Variants in GNS observed in about 807,000 individuals in gnomAD.
GNS encodes N-acetylglucosamine-6-sulfatase.
In GNS, 40 loss-of-function variants were observed where a neutral mutation model predicts 69.7. That is an observed-to-expected ratio of 0.57 (90% CI 0.45 to 0.75). GNS has a LOEUF of 0.75. GNS is among the 30% of genes least tolerant of loss of function. The probability of loss-of-function intolerance (pLI) is 0.00; values close to 1 mark genes in which losing one functional copy is unlikely to be tolerated. For missense variants in GNS, 565 were observed against 685.5 expected (o/e 0.82, Z 1.96); for synonymous variants, 243 against 251.6 (o/e 0.97, Z 0.32).
At chr12:64,736,330 A>G (rs555598653) in intron 9 of GNS, among the ~76,000 whole-genome samples, 1 of 152,232 alleles carries the variant, frequency 6.6e-6, no homozygotes, top group Non-Finnish European at 1.5e-5. Context: ...AGAACCAGGA[A>G]AGCAACAAAG....
rs868789822 is a variant in GNS, at chr12:64,738,995, G to A, written c.994+386C>T. ...GCATGAAAGTCAAGGACACAGAGCT[G>A]ACTCATCCTGCAGCTTTTGAAAAAA... On this transcript the variant is annotated intron_variant, in intron 8 of 13. Coordinates refer to ENST00000258145, the MANE Select transcript of GNS (RefSeq NM_002076.4). 6.6e-5 allele frequency among the ~76,000 whole-genome samples: 10 copies of A among 152,270 alleles called. 1 individual carries two copies. Among genetic ancestry groups the A allele is most frequent in the Middle Eastern group, 6.8e-3 (2 of 294 alleles).
intron 1 of GNS, among the ~76,000 whole-genome samples, chr12:64,754,558 A>G (rs567144890): frequency 1.7e-4 from 26 of 152,042 alleles, no homozygotes; most frequent in Non-Finnish European, 3.4e-4. Context: ...GAGGTCAGAG[A>G]GGCAGGCAGG....
chr12:64,732,169 G>GTT (rs71093000), intron 9 of GNS, among the ~76,000 whole-genome samples: 4 of 96,330 alleles, frequency 4.2e-5, no homozygotes, highest in African/African-American at 4.1e-5. Context: ...TTTTTTTGTT[G>GTT]TTTTTTTTTT....
chr12:64,726,621 A>C (rs2136239434), intron 10 of GNS, among the ~76,000 whole-genome samples: 1 of 152,214 alleles, frequency 6.6e-6, no homozygotes, highest in African/African-American at 2.4e-5. Flanking sequence ...CAGCCTTCCA[A>C]GTAGTTGGGA....
chr12:64,717,874 C>T (rs1030827715), intron 13 of GNS, among the ~76,000 whole-genome samples: 1 of 152,164 alleles, frequency 6.6e-6, no homozygotes, highest in African/African-American at 2.4e-5. Context: ...GGGCTTCACG[C>T]ATCCACTGTG....
At chr12:64,728,549 T>C (rs752718722) in intron 10 of GNS, among the ~76,000 whole-genome samples, 1 of 152,260 alleles carries the variant, frequency 6.6e-6, no homozygotes, top group Non-Finnish European at 1.5e-5. Context: ...AGTTAAAGCA[T>C]TTCTGTGATT....
chr12:64,732,850 T>C (rs1383549796), intron 9 of GNS, among the ~76,000 whole-genome samples: 1 of 151,144 alleles, frequency 6.6e-6, no homozygotes, highest in Non-Finnish European at 1.5e-5. Context: ...ACACCTGCCT[T>C]GGCCTCCCAA....
chr12:64,745,877 A>G, intron 3 of GNS, 153 bp from the exon 4 acceptor site: 1 of 668,522 alleles, frequency 1.5e-6, no homozygotes, highest in Non-Finnish European at 2.7e-6. Context: ...ATAAACGCTA[A>G]TAATCCTAGG....
chr12:64,736,878 A>G (rs1264069825), intron 9 of GNS, 126 bp downstream of exon 9: 1 of 683,684 alleles, frequency 1.5e-6, no homozygotes, highest in East Asian at 2.6e-5. Context: ...GTTTCCACTT[A>G]AAAACTCTTC....
chr12:64,737,085 G>A lies in GNS; in HGVS notation c.1017C>T (p.Asp339=). ...TATCAAACTCATACAGCTGTCTCTT[G>A]TCTATTGGCAAGGAAAACTGTCCTG... The part of the protein sequence containing the change: ...YHTGQFSLPI[D]KRQLYEFDIK... Residue 339 remains aspartate, a synonymous_variant, in exon 9 of 14, where the codon GAC becomes GAT. Transcript: ENST00000258145. 2 of 1,585,996 alleles carry A rather than the reference G, an allele frequency of 1.3e-6. No homozygotes were observed. Among genetic ancestry groups the A allele is most frequent in the Non-Finnish European group, 1.7e-6 (2 of 1,154,380 alleles).
At chr12:64,739,039 CAA>C (rs1565624190) in intron 8 of GNS, among the ~76,000 whole-genome samples, 1 of 152,176 alleles carries the variant, frequency 6.6e-6, no homozygotes, top group African/African-American at 2.4e-5. Flanking sequence ...ACCCAAAAAA[CAA>C]ATTCCATGAA....
chr12:64,753,778 A>T (rs544979850), intron 1 of GNS, among the ~76,000 whole-genome samples: 1 of 152,340 alleles, frequency 6.6e-6, no homozygotes, highest in African/African-American at 2.4e-5. Flanking sequence ...AACTTATCCA[A>T]AAAAAGCTCT....
intron 1 of GNS, among the ~76,000 whole-genome samples, chr12:64,757,925 C>G (rs1870310808): frequency 1.3e-5 from 2 of 152,110 alleles, no homozygotes; most frequent in South Asian, 4.1e-4. Context: ...CAGCTGAAAG[C>G]AAAAAGAGAA....
Position 64,713,659 on chromosome 12 carries a change from G to C in GNS, c.*3082C>G, listed in dbSNP as rs911002612. On this transcript the variant is annotated 3_prime_UTR_variant, in exon 14 of 14. Coordinates refer to ENST00000258145, the MANE Select transcript of GNS (RefSeq NM_002076.4). Reference sequence around the variant, plus strand: ...CTCTACCCATCTAATTCCATTGGTGGATCAGTTGAATTAACTTTTGCTTTC... The same window carrying C: ...CTCTACCCATCTAATTCCATTGGTGCATCAGTTGAATTAACTTTTGCTTTC... The C allele has an allele frequency of 1.3e-5, 2 of 151,584 alleles. No individual in the cohort carries two copies. The highest frequency in any genetic ancestry group is 6.5e-5 in the Admixed American group (1 of 15,272). 9.4% of individuals were successfully genotyped at this position (151,584 alleles called of 1,614,324 possible). A position where few individuals can be genotyped will look rare whatever the true frequency, so the allele number is the denominator to read the frequency against.
intron 2 of GNS, among the ~76,000 whole-genome samples, chr12:64,749,624 G>A (rs990358888): frequency 4.6e-5 from 7 of 152,138 alleles, no homozygotes; most frequent in Admixed American, 3.9e-4. Context: ...TTATGTGAAC[G>A]GTTTGTTCAT....
At chr12:64,730,972 CAG>C (rs1180551383) in intron 9 of GNS, among the ~76,000 whole-genome samples, 1 of 152,168 alleles carries the variant, frequency 6.6e-6, no homozygotes, top group Non-Finnish European at 1.5e-5. Flanking sequence ...TAAAAAAACC[CAG>C]AGATATAAAA....
chr12:64,713,805 A>G lies in GNS; in HGVS notation c.*2936T>C, dbSNP rs1025764737. On this transcript the variant is annotated 3_prime_UTR_variant, in exon 14 of 14. Transcript: ENST00000258145. ...TAAAACTTCCATGGCTATCATTACT[A>G]TTTTGTACAACAGCCCTAGTGTTGT... 2 of 152,190 alleles carry G rather than the reference A, an allele frequency of 1.3e-5. No homozygotes were observed. Among genetic ancestry groups the G allele is most frequent in the Non-Finnish European group, 2.9e-5 (2 of 68,020 alleles). 9.4% of individuals were successfully genotyped at this position (152,190 alleles called of 1,614,324 possible). A position where few individuals can be genotyped will look rare whatever the true frequency, so the allele number is the denominator to read the frequency against.
intron 4 of GNS, 62 bp from the exon 5 acceptor site, chr12:64,744,969 CCGTG>C (rs1869854223): frequency 1.3e-6 from 1 of 782,976 alleles, no homozygotes; most frequent in Admixed American, 1.8e-5. Flanking sequence ...AAGTCTGAAT[CCGTG>C]CTGGGCTAAA....
intron 8 of GNS, among the ~76,000 whole-genome samples, chr12:64,738,453 C>T (rs1439171308): frequency 1.3e-5 from 2 of 152,154 alleles, no homozygotes; most frequent in African/African-American, 4.8e-5. Flanking sequence ...AAAGACTGGC[C>T]TCATGCAGCT....
Sources: allele counts gnomAD v4.1 joint callset (sites outside exome capture counted in the v4.1 genomes callset), GRCh38; gene constraint gnomAD v4.1.1; transcripts MANE v1.5; gene names NCBI Gene and HGNC (gene_info 2026-07-23, HGNC 2026-07-21).